ZFAT: variants seen among roughly 807,000 people sequenced by gnomAD.
The protein encoded by ZFAT is zinc finger protein ZFAT.
A neutral mutation model predicts 117.7 loss-of-function variants in ZFAT; 64 were observed. The ratio of observed to expected loss-of-function variants is 0.54; its 90% CI spans 0.44 to 0.67. The LOEUF (loss-of-function observed/expected upper bound fraction) is 0.67. Among genes scored for constraint, ZFAT ranks in the 30% least tolerant of loss-of-function variants. ZFAT has a pLI of 0.00. For missense variants in ZFAT, 1,433 were observed against 1,584.5 expected, an observed-to-expected ratio of 0.90 and a Z score of 1.62; for synonymous variants, 679 against 615.0, an observed-to-expected ratio of 1.10 and a Z score of -1.54.
chr8:134,649,296 C>A, intron 2 of ZFAT, among the ~76,000 whole-genome samples: 1 of 152,016 alleles, frequency 6.6e-6, no homozygotes, highest in East Asian at 1.9e-4. Context: ...CAACCCTGTA[C>A]TGGAGTTTCT....
At chr8:134,772,083 G>A in the ZFAT span, among the ~76,000 whole-genome samples, 1 of 152,160 alleles carries the variant, frequency 6.6e-6, no homozygotes, top group African/African-American at 2.4e-5. Flanking sequence ...GATTTGGGTA[G>A]GGACACAGGC....
chr8:134,604,730 T>G (rs2130942407), intron 5 of ZFAT, among the ~76,000 whole-genome samples: 1 of 152,364 alleles, frequency 6.6e-6, no homozygotes, highest in South Asian at 2.1e-4. Context: ...AATATTTAAA[T>G]GGATTGCAGT....
At chr8:134,783,061 A>G in the ZFAT span, among the ~76,000 whole-genome samples, 1 of 152,120 alleles carries the variant, frequency 6.6e-6, no homozygotes, top group African/African-American at 2.4e-5. Context: ...ATGCATATAC[A>G]TCTTTAGTAA....
the ZFAT span, among the ~76,000 whole-genome samples, chr8:134,771,417 T>C: frequency 2.2e-4 from 34 of 152,138 alleles, no homozygotes; most frequent in Non-Finnish European, 3.8e-4. Flanking sequence ...CTAAATCATC[T>C]CTCTCAAGTT....
At chr8:134,702,864 G>A in intron 1 of ZFAT, among the ~76,000 whole-genome samples, 1 of 151,980 alleles carries the variant, frequency 6.6e-6, no homozygotes, top group Admixed American at 6.6e-5. Flanking sequence ...GTAGAGACGG[G>A]GTTTCACCAT....
chr8:134,809,342 T>C, the ZFAT span, among the ~76,000 whole-genome samples: 1 of 152,308 alleles, frequency 6.6e-6, no homozygotes, highest in African/African-American at 2.4e-5. Context: ...TACAGAATCT[T>C]CAAAACCATT....
upstream of ZFAT, among the ~76,000 whole-genome samples, chr8:134,713,764 G>T (rs1157237386): frequency 1.3e-5 from 2 of 151,922 alleles, no homozygotes; most frequent in East Asian, 1.9e-4. Context: ...TGTAGTCCTC[G>T]GCTCAAATGA....
At chr8:134,676,853 A>G (rs1164521500) in intron 1 of ZFAT, among the ~76,000 whole-genome samples, 4 of 152,236 alleles carry the variant, frequency 2.6e-5, no homozygotes, top group Non-Finnish European at 5.9e-5. Context: ...ACTACTGGGT[A>G]CATCACAAAA....
At chr8:134,560,346 C>T (rs761679720) in intron 11 of ZFAT, among the ~76,000 whole-genome samples, 1 of 152,160 alleles carries the variant, frequency 6.6e-6, no homozygotes, top group Non-Finnish European at 1.5e-5. Context: ...CAACATATAA[C>T]AACTTTCAAA....
intron 2 of ZFAT, chr8:134,639,987 A>C: frequency 5.7e-6 from 2 of 352,596 alleles, no homozygotes; most frequent in South Asian, 4.3e-5. Flanking sequence ...GGTGATTTCT[A>C]GGCCCCCGGA....
At chr8:134,763,637 T>C in the ZFAT span, among the ~76,000 whole-genome samples, 1 of 152,232 alleles carries the variant, frequency 6.6e-6, no homozygotes, top group Non-Finnish European at 1.5e-5. Context: ...GGAATTTTTA[T>C]ATACTCATTA....
the ZFAT span, among the ~76,000 whole-genome samples, chr8:134,821,027 T>C: frequency 6.6e-6 from 1 of 152,228 alleles, no homozygotes; most frequent in Non-Finnish European, 1.5e-5. Flanking sequence ...AATGAAGTTC[T>C]ACATGTGCCA....
chr8:134,610,321 G>T, intron 4 of ZFAT, 149 bp downstream of exon 4: 1 of 888,546 alleles, frequency 1.1e-6, no homozygotes, highest in Non-Finnish European at 1.7e-6. Flanking sequence ...CAGTAAGTAA[G>T]TCTCATCCTC....
At chr8:134,675,486 A>G (rs929733762) in intron 1 of ZFAT, among the ~76,000 whole-genome samples, 3 of 152,206 alleles carry the variant, frequency 2.0e-5, no homozygotes, top group African/African-American at 7.2e-5. Flanking sequence ...TGATTGGTAT[A>G]CCTGAAAGTG....
chr8:134,529,563 A>G (rs1257471755), intron 12 of ZFAT, among the ~76,000 whole-genome samples: 1 of 152,212 alleles, frequency 6.6e-6, no homozygotes, highest in Non-Finnish European at 1.5e-5. Context: ...AGTGCTCAGT[A>G]CTACCTTAAT....
intron 15 of ZFAT, among the ~76,000 whole-genome samples, chr8:134,494,310 C>CG (rs1818269098): frequency 6.6e-6 from 1 of 152,234 alleles, no homozygotes; most frequent in African/African-American, 2.4e-5. Context: ...AAATCACCCC[C>CG]GTGACCATCC....
intron 12 of ZFAT, among the ~76,000 whole-genome samples, chr8:134,524,893 G>A (rs1022684117): frequency 6.6e-6 from 1 of 152,118 alleles, no homozygotes; most frequent in Admixed American, 6.5e-5. Flanking sequence ...CACTAACTGG[G>A]CAGTTACCAT....
the ZFAT span, among the ~76,000 whole-genome samples, chr8:134,729,591 A>C: frequency 1.3e-5 from 2 of 151,946 alleles, no homozygotes; most frequent in African/African-American, 4.8e-5. Flanking sequence ...CCTCGGCCTC[A>C]CCTCACCATT....
At chr8:134,548,722 C>T (rs373483583) in intron 11 of ZFAT, among the ~76,000 whole-genome samples, 1 of 101,716 alleles carries the variant, frequency 9.8e-6, no homozygotes, top group Non-Finnish European at 2.4e-5. Context: ...GTGTCCCTAC[C>T]ACCTAACACC....
Sources: gnomAD v4.1 joint callset for allele counts (sites outside exome capture counted in the v4.1 genomes callset) on GRCh38, gnomAD v4.1.1 for gene constraint, MANE v1.5 for transcripts, NCBI Gene and HGNC (gene_info 2026-07-23, HGNC 2026-07-21) for gene names.